CDH18: variants seen among roughly 807,000 people sequenced by gnomAD.
CDH18 encodes cadherin-18.
Under a neutral mutation model 67.9 loss-of-function variants are expected in CDH18, and 31 were observed. The observed-to-expected ratio is 0.46, with a 90% CI of 0.34 to 0.62. The LOEUF is 0.62. Ranked by LOEUF, CDH18 falls within the 20% of genes least tolerant of loss-of-function variation. The pLI, the probability that CDH18 is intolerant of heterozygous loss-of-function variation, is 0.01. For synonymous variants in CDH18, 362 were observed against 347.2 expected (o/e 1.04, Z -0.48); for missense variants, 890 against 975.5 (o/e 0.91, Z 1.17).
chr5:20,535,021 G>A (rs952703607), intron 1 of CDH18, among the ~76,000 whole-genome samples: 2 of 151,908 alleles, frequency 1.3e-5, no homozygotes, highest in Non-Finnish European at 2.9e-5. Flanking sequence ...GATAATTATA[G>A]CACTTTTCTC....
chr5:20,312,210 G>A (rs1430675411), intron 1 of CDH18, among the ~76,000 whole-genome samples: 1 of 152,100 alleles, frequency 6.6e-6, no homozygotes, highest in Admixed American at 6.6e-5. Context: ...ATGATGAGCA[G>A]GATACAAACA....
chr5:19,608,171 A>G (rs1748368308), intron 6 of CDH18, among the ~76,000 whole-genome samples: 1 of 151,774 alleles, frequency 6.6e-6, no homozygotes, highest in Admixed American at 6.6e-5. Context: ...TATGTAGAAT[A>G]CTAAACATGC....
intron 1 of CDH18, among the ~76,000 whole-genome samples, chr5:20,334,991 C>G (rs1466340321): frequency 6.6e-6 from 1 of 152,132 alleles, no homozygotes; most frequent in Non-Finnish European, 1.5e-5. Context: ...CTCAACTGGA[C>G]ACAGTTGATA....
intron 3 of CDH18, among the ~76,000 whole-genome samples, chr5:19,797,520 C>A (rs1414778116): frequency 6.6e-6 from 1 of 151,922 alleles, no homozygotes; most frequent in Non-Finnish European, 1.5e-5. Flanking sequence ...GATAGAAGAT[C>A]ATCAAACACA....
At chr5:19,977,015 T>C (rs758353832) in intron 2 of CDH18, among the ~76,000 whole-genome samples, 1 of 152,148 alleles carries the variant, frequency 6.6e-6, no homozygotes, top group Non-Finnish European at 1.5e-5. Context: ...AAGGTGTAAG[T>C]GGATAAACAA....
intron 2 of CDH18, among the ~76,000 whole-genome samples, chr5:19,874,671 AAATTG>A (rs1275753018): frequency 6.6e-6 from 1 of 152,200 alleles, no homozygotes; most frequent in Non-Finnish European, 1.5e-5. Context: ...AAAGAGAGAG[AAATTG>A]AATTGAATTT....
chr5:20,231,985 C>T (rs1259219751), intron 2 of CDH18, among the ~76,000 whole-genome samples: 1 of 151,744 alleles, frequency 6.6e-6, no homozygotes, highest in Non-Finnish European at 1.5e-5. Context: ...AATATACTAG[C>T]TTAATAAAAT....
Position 20,180,448 on chromosome 5 carries a change from G to A in CDH18, c.-518+74996C>T, listed in dbSNP as rs569223603. 1.8e-3 allele frequency among the ~76,000 whole-genome samples: 272 copies of A among 152,202 alleles called. 2 individuals are homozygous for A. Among genetic ancestry groups the A allele is most frequent in the African/African-American group, 5.3e-3 (219 of 41,540 alleles). Reference sequence around the variant, plus strand: ...ACTGCTGATTAATATCTTGCTAATCGTAGGTTATTGAAAGATTGTGTTTCT... The same window carrying A: ...ACTGCTGATTAATATCTTGCTAATCATAGGTTATTGAAAGATTGTGTTTCT... On this transcript the variant is annotated intron_variant, in intron 2 of 14. Transcript: ENST00000507958.
chr5:20,542,228 G>A (rs1757089726), intron 1 of CDH18, among the ~76,000 whole-genome samples: 1 of 152,024 alleles, frequency 6.6e-6, no homozygotes, highest in Non-Finnish European at 1.5e-5. Flanking sequence ...TAAGTAAATA[G>A]TAAGTGTTAA....
chr5:20,115,270 C>CTTTTTTTTTTTTTTT (rs753438800), intron 2 of CDH18, among the ~76,000 whole-genome samples: 1 of 58,152 alleles, frequency 1.7e-5, no homozygotes, highest in Non-Finnish European at 2.8e-5. Flanking sequence ...AGGGCCTCAT[C>CTTTTTTTTTTTTTTT]TTTTTTTTTT....
intron 2 of CDH18, among the ~76,000 whole-genome samples, chr5:20,146,909 A>G (rs2126548701): frequency 6.6e-6 from 1 of 152,116 alleles, no homozygotes; most frequent in Non-Finnish European, 1.5e-5. Flanking sequence ...ATTATTTACC[A>G]TTTATTTACT....
chr5:20,474,525 T>C (rs12697585), intron 1 of CDH18, among the ~76,000 whole-genome samples: 113,173 of 152,032 alleles, frequency 0.74, 42,451 homozygotes, highest in African/African-American at 0.78. Context: ...TCAGCTCTTA[T>C]AGACTATAGT....
intron 1 of CDH18, among the ~76,000 whole-genome samples, chr5:20,345,881 C>A (rs1012046968): frequency 6.6e-6 from 1 of 152,014 alleles, no homozygotes; most frequent in Admixed American, 6.6e-5. Context: ...GGGCCACCCT[C>A]AAAAAAGCTA....
intron 2 of CDH18, among the ~76,000 whole-genome samples, chr5:20,215,281 A>C (rs1740674396): frequency 6.6e-6 from 1 of 152,010 alleles, no homozygotes; most frequent in African/African-American, 2.4e-5. Flanking sequence ...TGAATAAGGT[A>C]GCAGTAGATT....
At chr5:20,405,638 G>C (rs1746177886) in intron 1 of CDH18, among the ~76,000 whole-genome samples, 1 of 152,124 alleles carries the variant, frequency 6.6e-6, no homozygotes, top group Admixed American at 6.5e-5. Flanking sequence ...ACTACCATCA[G>C]AGTGAACAGG....
At chr5:20,138,096 C>T (rs1337683747) in intron 2 of CDH18, among the ~76,000 whole-genome samples, 1 of 152,004 alleles carries the variant, frequency 6.6e-6, no homozygotes, top group African/African-American at 2.4e-5. Flanking sequence ...TCCGGCAGCA[C>T]ATCAAAAAGC....
intron 2 of CDH18, among the ~76,000 whole-genome samples, chr5:19,954,628 G>A (rs1485980768): frequency 1.3e-5 from 2 of 151,840 alleles, no homozygotes; most frequent in African/African-American, 2.4e-5. Context: ...GAAGAAAGAA[G>A]AGACCAAGAT....
At chr5:19,823,224 AGGG>A (rs1334051505) in intron 3 of CDH18, among the ~76,000 whole-genome samples, 1 of 152,170 alleles carries the variant, frequency 6.6e-6, no homozygotes, top group Non-Finnish European at 1.5e-5. Flanking sequence ...CAATCATCAC[AGGG>A]TCCTGAGGTG....
chr5:19,574,968 G>A (rs958388586), intron 7 of CDH18, among the ~76,000 whole-genome samples: 1 of 152,124 alleles, frequency 6.6e-6, no homozygotes, highest in African/African-American at 2.4e-5. Context: ...GAACCCAGGA[G>A]GTGGAGGTTG....
Sources: allele counts gnomAD v4.1 joint callset (sites outside exome capture counted in the v4.1 genomes callset), GRCh38; gene constraint gnomAD v4.1.1; transcripts MANE v1.5; gene names NCBI Gene and HGNC (gene_info 2026-07-23, HGNC 2026-07-21).